The following HTR1F variants were observed in gnomAD, a reference collection of about 807,000 sequenced individuals.
The protein encoded by HTR1F is 5-hydroxytryptamine receptor 1F, also known as 5-hydroxytryptamine (serotonin) receptor 1F, G protein-coupled.
Under a neutral mutation model 24.0 loss-of-function variants are expected in HTR1F, and 17 were observed. That is an observed-to-expected ratio of 0.71 (90% CI 0.48 to 1.06). HTR1F has a LOEUF of 1.06. HTR1F is among the 50% of genes least tolerant of loss of function. HTR1F has a pLI of 0.00. For synonymous variants in HTR1F, 186 were observed against 156.8 expected, an observed-to-expected ratio of 1.19 and a Z score of -1.39; for missense variants, 391 against 427.8, an observed-to-expected ratio of 0.91 and a Z score of 0.76.
chr3:87,988,875 G>A (rs1705740303), intron 2 of HTR1F, among the ~76,000 whole-genome samples: 1 of 151,806 alleles, frequency 6.6e-6, no homozygotes. Flanking sequence ...TACCGGGCCT[G>A]GTTCAAGGTG....
intron 2 of HTR1F, among the ~76,000 whole-genome samples, chr3:87,864,574 T>C (rs1033859359): frequency 6.6e-6 from 1 of 152,116 alleles, no homozygotes; most frequent in Non-Finnish European, 1.5e-5. Flanking sequence ...CCCTACAAGA[T>C]GAAGACTGGT....
chr3:87,920,396 A>G (rs1200709203), intron 2 of HTR1F, among the ~76,000 whole-genome samples: 1 of 151,942 alleles, frequency 6.6e-6, no homozygotes, highest in African/African-American at 2.4e-5. Context: ...CCAATAACCT[A>G]TGGAAATAAA....
Position 87,883,269 on chromosome 3 carries a change from G to C in HTR1F, c.-43+61145G>C, listed in dbSNP as rs560074107. Among the ~76,000 whole-genome samples, 72 of 152,284 alleles carry C rather than the reference G, an allele frequency of 4.7e-4. 1 individual carries two copies. Among genetic ancestry groups the C allele is most frequent in the South Asian group, 2.9e-3 (14 of 4,822 alleles). ...GAAAACTAACAAACAGAAAGGAATA[G>C]CATCAACATCAACAAAAAGGACACC... On this transcript the variant is annotated intron_variant, in intron 2 of 2. Transcript: ENST00000319595.
At chr3:87,899,603 C>T (rs778850309) in intron 2 of HTR1F, among the ~76,000 whole-genome samples, 21 of 152,242 alleles carry the variant, frequency 1.4e-4, no homozygotes, top group Admixed American at 7.8e-4. Context: ...CGGTGACTCA[C>T]GCCTGTAATC....
intron 2 of HTR1F, among the ~76,000 whole-genome samples, chr3:87,853,265 A>G: frequency 6.6e-6 from 1 of 151,486 alleles, no homozygotes; most frequent in Middle Eastern, 3.2e-3. Flanking sequence ...TGTTGTTCCT[A>G]TTTGTCCATG....
In HTR1F at chr3:87,991,928, CTT is replaced by C. The variant is rs1326777823; in HGVS notation, c.*79_*80del. On this transcript the variant is annotated 3_prime_UTR_variant, in exon 3 of 3. Coordinates refer to ENST00000319595, the MANE Select transcript of HTR1F (RefSeq NM_001322209.2). The stretch of plus-strand genomic sequence containing the variant: ...TAGATGAATGCCAAATAATAAAACA[CTT>C]AAGCTTTTAGAGGGAAATACATGAA... 1 of 1,262,714 alleles carries C rather than the reference CTT, an allele frequency of 7.9e-7. No individual in the cohort carries two copies. Among genetic ancestry groups the C allele is most frequent in the African/African-American group, 1.5e-5 (1 of 66,620 alleles). 78.2% of individuals were successfully genotyped at this position (1,262,714 alleles called of 1,614,324 possible). A position where few individuals can be genotyped will look rare whatever the true frequency, so the allele number is the denominator to read the frequency against.
At chr3:87,880,417 G>T (rs1466510546) in intron 2 of HTR1F, among the ~76,000 whole-genome samples, 1 of 152,022 alleles carries the variant, frequency 6.6e-6, no homozygotes, top group Non-Finnish European at 1.5e-5. Context: ...TACAGAAAAT[G>T]CCAAAAATCT....
chr3:87,948,754 C>CA (rs1704769474), intron 2 of HTR1F, among the ~76,000 whole-genome samples: 1 of 152,196 alleles, frequency 6.6e-6, no homozygotes, highest in Admixed American at 6.5e-5. Flanking sequence ...TTTGGGACTC[C>CA]AGGCATGAGC....
chr3:87,834,539 A>C (rs1575922948), intron 2 of HTR1F, among the ~76,000 whole-genome samples: 1 of 152,042 alleles, frequency 6.6e-6, no homozygotes, highest in Non-Finnish European at 1.5e-5. Flanking sequence ...CAAGGTCTAG[A>C]TCATACAAAT....
chr3:87,943,801 G>A (rs1260363000), intron 2 of HTR1F, among the ~76,000 whole-genome samples: 1 of 152,188 alleles, frequency 6.6e-6, no homozygotes, highest in Non-Finnish European at 1.5e-5. Context: ...CCCTTGAAGA[G>A]GATATCATGG....
At chr3:87,808,102 G>C (rs1218887629) in intron 1 of HTR1F, among the ~76,000 whole-genome samples, 1 of 151,770 alleles carries the variant, frequency 6.6e-6, no homozygotes, top group Non-Finnish European at 1.5e-5. Context: ...CCCTTGTCTG[G>C]TTTTGGTATC....
chr3:87,961,983 C>T (rs1372553168), intron 2 of HTR1F, among the ~76,000 whole-genome samples: 2 of 152,014 alleles, frequency 1.3e-5, no homozygotes, highest in African/African-American at 2.4e-5. Context: ...CATTGTATAT[C>T]TGAAATTCAG....
In HTR1F at chr3:87,993,106, G is replaced by A. The variant is rs377325644; in HGVS notation, c.*1256G>A. On this transcript the variant is annotated 3_prime_UTR_variant, in exon 3 of 3. Coordinates refer to ENST00000319595, the MANE Select transcript of HTR1F (RefSeq NM_001322209.2). ...ACCAGCAAGGTCATAGACTACCTTT[G>A]GGAAGACCTATCATCAACCAAGATC... The A allele has an allele frequency of 6.0e-6, 1 of 166,864 alleles. No homozygotes were observed. The highest frequency in any genetic ancestry group is 1.5e-5 in the Non-Finnish European group (1 of 68,062). The allele number at this position is 166,864 out of a possible 1,614,324, so 10.3% of individuals were successfully genotyped here.
At chr3:87,981,498 A>G (rs928366323) in intron 2 of HTR1F, among the ~76,000 whole-genome samples, 84 of 152,200 alleles carry the variant, frequency 5.5e-4, no homozygotes, top group Admixed American at 2.0e-3. Flanking sequence ...CCTGGCCGCA[A>G]TTGTGGGTTT....
At chr3:87,937,085 A>G (rs1704440820) in intron 2 of HTR1F, among the ~76,000 whole-genome samples, 1 of 144,012 alleles carries the variant, frequency 6.9e-6, no homozygotes, top group South Asian at 2.1e-4. Flanking sequence ...AAACTACCCA[A>G]AAAAAAAAAA....
chr3:87,822,218 A>G (rs1411411575), intron 2 of HTR1F, among the ~76,000 whole-genome samples, 94 bp downstream of exon 2: 1 of 152,198 alleles, frequency 6.6e-6, no homozygotes, highest in Non-Finnish European at 1.5e-5. Flanking sequence ...TGCAAAATGG[A>G]CACTGGAGGG....
At chr3:87,820,449 T>G (rs1390021427) in intron 1 of HTR1F, among the ~76,000 whole-genome samples, 1 of 152,052 alleles carries the variant, frequency 6.6e-6, no homozygotes, top group Non-Finnish European at 1.5e-5. Context: ...GTGCTGGGAT[T>G]ACAGGCGTGA....
chr3:87,945,011 A>G (rs547321163), intron 2 of HTR1F, among the ~76,000 whole-genome samples: 1 of 150,962 alleles, frequency 6.6e-6, no homozygotes, highest in South Asian at 2.1e-4. Flanking sequence ...GGAATAGGGC[A>G]CACTGGTTGT....
intron 2 of HTR1F, among the ~76,000 whole-genome samples, chr3:87,924,759 T>C (rs1559633820): frequency 1.3e-5 from 2 of 152,270 alleles, no homozygotes; most frequent in South Asian, 2.1e-4. Flanking sequence ...GGTTCCTTCA[T>C]ACGTGATTTG....
Sources: allele counts gnomAD v4.1 joint callset (sites outside exome capture counted in the v4.1 genomes callset), GRCh38; gene constraint gnomAD v4.1.1; transcripts MANE v1.5; gene names NCBI Gene and HGNC (gene_info 2026-07-23, HGNC 2026-07-21).